The following NLRC5 variants were observed in gnomAD, a reference collection of about 807,000 sequenced individuals.
The protein encoded by NLRC5 is protein NLRC5.
NLRC5 carries 114 observed loss-of-function variants against 206.9 expected under a neutral mutation model. The observed-to-expected ratio is 0.55, with a 90% CI of 0.47 to 0.64. The LOEUF (loss-of-function observed/expected upper bound fraction) is 0.64, where lower values mean the gene tolerates loss of function less well. Among genes scored for constraint, NLRC5 ranks in the 30% least tolerant of loss-of-function variants. The pLI, the probability that NLRC5 is intolerant of heterozygous loss-of-function variation, is 0.00. For synonymous variants in NLRC5, 952 were observed against 962.8 expected, an observed-to-expected ratio of 0.99 and a Z score of 0.21; for missense variants, 2,008 against 2,305.5, an observed-to-expected ratio of 0.87 and a Z score of 2.64.
chr16:57,010,925 C>T (rs1296150757), intron 1 of NLRC5, among the ~76,000 whole-genome samples: 2 of 151,620 alleles, frequency 1.3e-5, no homozygotes, highest in African/African-American at 4.9e-5. Context: ...AAAATGTGCA[C>T]ATTAAAAAGT....
intron 8 of NLRC5, among the ~76,000 whole-genome samples, chr16:57,029,040 A>G (rs1393999108): frequency 1.3e-5 from 2 of 152,126 alleles, no homozygotes; most frequent in East Asian, 1.9e-4. Context: ...CACTTCATCC[A>G]CACAGATGCA....
chr16:57,082,472 C>A lies in NLRC5; in HGVS notation c.5545C>A (p.Pro1849Thr). 1 of 1,613,788 alleles carries A rather than the reference C, an allele frequency of 6.2e-7. No individual in the cohort carries two copies. The highest frequency in any genetic ancestry group is 8.5e-7 in the Non-Finnish European group (1 of 1,179,822). Residue 1849 changes from proline to threonine, a missense_variant, in exon 49 of 49, where the codon CCC becomes ACC. Pro to Thr is a conservative substitution (Grantham distance 38). Coordinates refer to ENST00000688547, the MANE Select transcript of NLRC5 (RefSeq NM_001384950.1). ...DMAQHLKSQE[P>T]RLDFAFFDNQ... ...GGCCCAGCACCTGAAGAGCCAGGAG[C>A]CCAGGCTGGACTTTGCCTTCTTTGA...
Position 57,026,000 on chromosome 16 carries a change from G to T in NLRC5, c.1057G>T (p.Ala353Ser), listed in dbSNP as rs775323140. Residue 353 changes from alanine (A) to serine (S), a missense_variant, in exon 6 of 49, where the codon GCC becomes TCC. Ala to Ser is a moderately conservative substitution (Grantham distance 99, BLOSUM62 1). Transcript: ENST00000688547. ...MATSRPGKLP[A>S]CLPAEAAMVH... ...TACCTCCCGTCCAGGGAAGCTGCCT[G>T]CCTGCCTGCCTGCAGAGGCAGCCAT... The T allele has an allele frequency of 3.1e-6, 5 of 1,613,896 alleles. No individual in the cohort carries two copies. The Admixed American group carries it at 5.0e-5, about 16-fold the overall frequency.
rs1482925804 is a variant in NLRC5 at position 57,077,362 on chromosome 16, A to G, written c.4902A>G (p.Pro1634=). The G allele has an allele frequency of 6.2e-7, 1 of 1,613,632 alleles. No individual in the cohort carries two copies. Among genetic ancestry groups the G allele is most frequent in the African/African-American group, 1.3e-5 (1 of 74,926 alleles). ...TAGCTACCATCCTGCCTGGGCTGCC[A>G]GAGCTCAGGAAGATAGAGTGAGTAG... ...QHLATILPGL[P]ELRKIDLSGN... Residue 1634 remains proline (P), a synonymous_variant, in exon 41 of 49, where the codon CCA becomes CCG. Transcript: ENST00000688547.
intron 3 of NLRC5, among the ~76,000 whole-genome samples, chr16:57,021,474 T>G (rs1051258264): frequency 3.3e-5 from 5 of 152,166 alleles, no homozygotes; most frequent in African/African-American, 1.2e-4. Context: ...TCCTTCCCAC[T>G]TCAGCCTCCC....
At chr16:56,990,497 C>T (rs1420057497) in intron 1 of NLRC5, 4 of 152,200 alleles carry the variant, frequency 2.6e-5, no homozygotes, top group African/African-American at 9.6e-5. Context: ...TCACTATTCT[C>T]ACCCAGAAAG....
intron 32 of NLRC5, chr16:57,062,218 G>A (rs1332990070): frequency 1.3e-5 from 6 of 456,778 alleles, no homozygotes; most frequent in Admixed American, 3.1e-5. Flanking sequence ...ATATTTCACC[G>A]TGAAGCTCCA....
intron 16 of NLRC5, 83 bp downstream of exon 16, chr16:57,039,932 G>A (rs2063074100): frequency 4.2e-6 from 5 of 1,183,880 alleles, no homozygotes; most frequent in Non-Finnish European, 6.2e-6. Flanking sequence ...GTGCCAGTCA[G>A]TCAACTGCCA....
Position 57,040,692 on chromosome 16 carries a change from G to A in NLRC5, c.2913G>A (p.Glu971=). The A allele has an allele frequency of 6.2e-7, 1 of 1,614,180 alleles. No individual in the cohort carries two copies. The highest frequency in any genetic ancestry group is 8.5e-7 in the Non-Finnish European group (1 of 1,180,022). The change falls in exon 17 of 49, where the codon GAG becomes GAA. Residue 971 remains glutamate, a synonymous_variant. Transcript: ENST00000688547. ...GCCTCATGCTCCAGATGCCCTCTGA[G>A]CTGCCTCTGAGCTCCCGAAGGATGA... ...LDSLMLQMPS[E]LPLSSRRMRL...
chr16:57,067,280 G>T, intron 34 of NLRC5, 107 bp from the exon 35 acceptor site: 1 of 886,398 alleles, frequency 1.1e-6, no homozygotes, highest in South Asian at 1.4e-5. Context: ...GACTTCATTT[G>T]ATCAGCATTT....
Position 57,041,468 on chromosome 16 carries a change from T to A in NLRC5, c.2940-17T>A. ...GTTCAGTGGGGCATGCAGCACTGTG[T>A]TTTTGTCCCTGGGCAGGCTGACACA... is the stretch of plus-strand genomic sequence containing the variant. On this transcript the variant is annotated splice_polypyrimidine_tract_variant and intron_variant, in intron 17 of 48. Coordinates refer to ENST00000688547, the MANE Select transcript of NLRC5 (RefSeq NM_001384950.1). 1 of 1,554,246 alleles carries A rather than the reference T, an allele frequency of 6.4e-7. No individual in the cohort carries two copies.
intron 1 of NLRC5, chr16:57,013,782 T>C (rs1218473318): frequency 2.8e-6 from 2 of 706,344 alleles, no homozygotes; most frequent in African/African-American, 3.6e-5. Flanking sequence ...GGTATTTTCA[T>C]TAAGTCACCC....
In NLRC5 at chr16:57,026,508, C is replaced by T; in HGVS notation, c.1565C>T (p.Ala522Val). 1 of 1,614,118 alleles carries T rather than the reference C, an allele frequency of 6.2e-7. No homozygotes were observed. The highest frequency in any genetic ancestry group is 8.5e-7 in the Non-Finnish European group (1 of 1,180,042). Residue 522 changes from alanine (A) to valine (V), a missense_variant, in exon 6 of 49, where the codon GCT becomes GTT. By Grantham distance (64) the Ala-to-Val change is moderately conservative. Coordinates refer to ENST00000688547, the MANE Select transcript of NLRC5 (RefSeq NM_001384950.1). ...FTHLSLQEFL[A>V]ALHLMASPKV... ...CACCTCAGCCTGCAGGAGTTTCTTG[C>T]TGCCCTGCACCTGATGGCCAGCCCC...
intron 46 of NLRC5, 48 bp from the exon 47 acceptor site, chr16:57,081,050 C>G: frequency 1.3e-6 from 2 of 1,514,022 alleles, no homozygotes; most frequent in Non-Finnish European, 8.9e-7. Context: ...CTCCACCCCT[C>G]GACCTCCTTG....
chr16:57,042,146 T>C, intron 19 of NLRC5, 81 bp downstream of exon 19: 1 of 912,946 alleles, frequency 1.1e-6, no homozygotes, highest in South Asian at 2.2e-5. Flanking sequence ...TTTCCTGGGG[T>C]TATTGTAAAG....
intron 5 of NLRC5, 44 bp from the exon 6 acceptor site, chr16:57,025,324 G>T (rs75068463): frequency 6.6e-7 from 1 of 1,507,572 alleles, no homozygotes; most frequent in South Asian, 1.3e-5. Flanking sequence ...ATGAGCAGAG[G>T]GCCGGGGGGT....
chr16:57,078,618 T>C (rs529663609), intron 43 of NLRC5, among the ~76,000 whole-genome samples: 2 of 152,046 alleles, frequency 1.3e-5, no homozygotes, highest in South Asian at 4.2e-4. Context: ...ATTACGAGCA[T>C]GCCCACCATG....
At chr16:57,041,761 C>T (rs1293188148) in intron 18 of NLRC5, among the ~76,000 whole-genome samples, 187 bp downstream of exon 18, 4 of 152,144 alleles carry the variant, frequency 2.6e-5, no homozygotes, top group African/African-American at 4.8e-5. Context: ...ATGTCTGACA[C>T]GCTCGGAGGC....
intron 34 of NLRC5, among the ~76,000 whole-genome samples, chr16:57,067,184 C>T (rs564848611): frequency 4.6e-5 from 7 of 152,298 alleles, no homozygotes; most frequent in Non-Finnish European, 7.4e-5. Flanking sequence ...TGTCCTTGTG[C>T]GGTGAACAAC....
Sources: gnomAD v4.1 joint callset for allele counts (sites outside exome capture counted in the v4.1 genomes callset) on GRCh38, gnomAD v4.1.1 for gene constraint, MANE v1.5 for transcripts, NCBI Gene and HGNC (gene_info 2026-07-23, HGNC 2026-07-21) for gene names.